EPN2: variants seen among roughly 807,000 people sequenced by gnomAD.
EPN2 encodes epsin-2.
EPN2 carries 34 observed loss-of-function variants against 61.7 expected under a neutral mutation model. The observed-to-expected ratio is 0.55, with a 90% CI of 0.42 to 0.73. The LOEUF (loss-of-function observed/expected upper bound fraction) is 0.73, where lower values mean the gene tolerates loss of function less well. Among genes scored for constraint, EPN2 ranks in the 30% least tolerant of loss-of-function variants. EPN2 has a pLI of 0.00. For missense variants in EPN2, 714 were observed against 839.2 expected (o/e 0.85, Z 1.84); for synonymous variants, 349 against 353.6 (o/e 0.99, Z 0.15).
intron 1 of EPN2, among the ~76,000 whole-genome samples, chr17:19,279,095 G>A (rs571966691): frequency 3.3e-5 from 5 of 152,246 alleles, no homozygotes; most frequent in African/African-American, 9.6e-5. Flanking sequence ...TTTTCCTGAA[G>A]TTTAAGTATT....
chr17:19,259,450 C>T (rs2045116598), intron 1 of EPN2, among the ~76,000 whole-genome samples: 1 of 151,830 alleles, frequency 6.6e-6, no homozygotes, highest in Admixed American at 6.6e-5. Context: ...GTAGCTGGCA[C>T]TACAGGCGCC....
intron 1 of EPN2, among the ~76,000 whole-genome samples, chr17:19,267,090 C>T (rs762166691): frequency 4.0e-5 from 6 of 151,646 alleles, no homozygotes; most frequent in Non-Finnish European, 5.9e-5. Context: ...CCGCCTGCCT[C>T]GGCCTCCCAA....
intron 1 of EPN2, among the ~76,000 whole-genome samples, chr17:19,246,959 A>G (rs994411410): frequency 6.6e-6 from 1 of 151,888 alleles, no homozygotes; most frequent in African/African-American, 2.4e-5. Flanking sequence ...TATGGTAGAG[A>G]GGGGGTTTCA....
intron 7 of EPN2, among the ~76,000 whole-genome samples, chr17:19,326,118 T>A (rs1479564492): frequency 6.6e-6 from 1 of 152,304 alleles, no homozygotes; most frequent in East Asian, 1.9e-4. Flanking sequence ...ATATTAAAAC[T>A]TAAGCAAATG....
chr17:19,252,995 C>T (rs1000821017), intron 1 of EPN2, among the ~76,000 whole-genome samples: 3 of 152,188 alleles, frequency 2.0e-5, no homozygotes, highest in African/African-American at 7.2e-5. Context: ...GCCACCACAC[C>T]CAGTCACCAT....
intron 10 of EPN2, 59 bp from the exon 11 acceptor site, chr17:19,333,897 G>C: frequency 7.0e-7 from 1 of 1,427,262 alleles, no homozygotes; most frequent in Non-Finnish European, 9.4e-7. Context: ...CCCTGACCTG[G>C]GAGCTCAGAA....
chr17:19,271,025 T>TAG (rs952010650), intron 1 of EPN2, among the ~76,000 whole-genome samples: 2 of 152,094 alleles, frequency 1.3e-5, no homozygotes, highest in African/African-American at 4.8e-5. Flanking sequence ...AGTCTCTGAG[T>TAG]AGAGAGATAA....
intron 4 of EPN2, among the ~76,000 whole-genome samples, chr17:19,286,925 C>G (rs772078342): frequency 2.1e-4 from 32 of 152,166 alleles, no homozygotes; most frequent in African/African-American, 7.2e-4. Context: ...TTTCACCCCC[C>G]CAGATAGTCA....
At chr17:19,271,107 T>C (rs1368781150) in intron 1 of EPN2, among the ~76,000 whole-genome samples, 2 of 151,862 alleles carry the variant, frequency 1.3e-5, no homozygotes, top group Non-Finnish European at 2.9e-5. Context: ...GGGCTGAGTG[T>C]GTGCCAGGCA....
rs1236868003 is a variant in EPN2 at position 19,309,967 on chromosome 17, A to G, written c.849A>G (p.Ala283=). The G allele has an allele frequency of 1.2e-6, 2 of 1,608,448 alleles. No homozygotes were observed. Residue 283 remains alanine, a synonymous_variant, in exon 5 of 11, where the codon GCA becomes GCG. Transcript: ENST00000314728. ...SGEEELQLQL[A]LAMSREVAEQ... ...AAGAGGAGCTTCAGCTGCAGCTGGCACTTGCCATGAGCAGAGAAGTGGCTG... is the reference window on the plus strand; with the variant it reads ...AAGAGGAGCTTCAGCTGCAGCTGGCGCTTGCCATGAGCAGAGAAGTGGCTG...
chr17:19,250,010 T>G (rs1021948245), intron 1 of EPN2, among the ~76,000 whole-genome samples: 1 of 152,128 alleles, frequency 6.6e-6, no homozygotes, highest in Non-Finnish European at 1.5e-5. Context: ...GCCTCCCACT[T>G]CCACTTTTAA....
At chr17:19,296,223 T>C (rs1224421280) in intron 4 of EPN2, among the ~76,000 whole-genome samples, 1 of 151,750 alleles carries the variant, frequency 6.6e-6, no homozygotes, top group African/African-American at 2.4e-5. Context: ...TGATCTCGGC[T>C]CACTACAACC....
Position 19,333,987 on chromosome 17 carries a change from T to A in EPN2, c.1659T>A (p.Pro553=). 1 of 1,579,846 alleles carries A rather than the reference T, an allele frequency of 6.3e-7. No individual in the cohort carries two copies. Among genetic ancestry groups the A allele is most frequent in the Non-Finnish European group, 8.6e-7 (1 of 1,158,434 alleles). The change falls in exon 11 of 11, where the codon CCT becomes CCA. Residue 553 remains proline, a synonymous_variant. Transcript: ENST00000314728. ...GAPATSAPVN[P]FQVNQPQPLT... is the part of the protein sequence containing the mutation. ...CCGCCACCTCGGCCCCTGTTAACCC[T>A]TTCCAGGTGAACCAGCCCCAGCCGC... is the stretch of plus-strand genomic sequence containing the variant.
At chr17:19,310,164 T>C (rs1035220786) in intron 5 of EPN2, among the ~76,000 whole-genome samples, 167 bp downstream of exon 5, 3 of 152,238 alleles carry the variant, frequency 2.0e-5, no homozygotes, top group Non-Finnish European at 4.4e-5. Context: ...TGTCACCCAG[T>C]GTCCCTCCCA....
chr17:19,329,021 C>T, intron 8 of EPN2, 134 bp downstream of exon 8: 2 of 771,284 alleles, frequency 2.6e-6, no homozygotes, highest in South Asian at 4.2e-5. Flanking sequence ...AGCCTTTGTT[C>T]CTGATCCCCA....
intron 4 of EPN2, among the ~76,000 whole-genome samples, chr17:19,293,064 GTAT>G (rs1333142775): frequency 6.6e-6 from 1 of 151,998 alleles, no homozygotes; most frequent in Non-Finnish European, 1.5e-5. Context: ...GCTTTTTTCT[GTAT>G]TATTATTTTT....
intron 7 of EPN2, among the ~76,000 whole-genome samples, chr17:19,321,040 T>G (rs1263647161): frequency 1.3e-5 from 2 of 152,160 alleles, no homozygotes; most frequent in African/African-American, 4.8e-5. Context: ...ACAGATGCAG[T>G]CTCACATGCA....
At chr17:19,309,113 A>C (rs545763475) in intron 4 of EPN2, among the ~76,000 whole-genome samples, 1 of 150,500 alleles carries the variant, frequency 6.6e-6, no homozygotes, top group East Asian at 2.0e-4. Context: ...ATGATCTCGT[A>C]GTAACACTAC....
chr17:19,245,803 C>T (rs1345363431), intron 1 of EPN2, among the ~76,000 whole-genome samples: 3 of 151,862 alleles, frequency 2.0e-5, no homozygotes, highest in Admixed American at 1.3e-4. Flanking sequence ...GCTGGGACTA[C>T]AGGCACGTAC....
Sources: allele counts gnomAD v4.1 joint callset (sites outside exome capture counted in the v4.1 genomes callset), GRCh38; gene constraint gnomAD v4.1.1; transcripts MANE v1.5; gene names NCBI Gene and HGNC (gene_info 2026-07-23, HGNC 2026-07-21).